LEPROTL1: variants seen among roughly 807,000 people sequenced by gnomAD.
LEPROTL1 encodes the protein leptin receptor overlapping transcript-like 1.
A neutral mutation model predicts 15.4 loss-of-function variants in LEPROTL1; 6 were observed. The ratio of observed to expected loss-of-function variants is 0.39; its 90% CI spans 0.21 to 0.77. The LOEUF (loss-of-function observed/expected upper bound fraction) is 0.77, where lower values mean the gene tolerates loss of function less well. Ranked by LOEUF, LEPROTL1 falls within the 30% of genes least tolerant of loss-of-function variation. The pLI, the probability that LEPROTL1 is intolerant of heterozygous loss-of-function variation, is 0.41. For missense variants in LEPROTL1, 128 were observed against 158.1 expected (o/e 0.81, Z 1.02); for synonymous variants, 56 against 52.6 (o/e 1.06, Z -0.28).
chr8:30,110,384 C>T (rs918613208), downstream of LEPROTL1, among the ~76,000 whole-genome samples: 1 of 151,858 alleles, frequency 6.6e-6, no homozygotes, highest in Admixed American at 6.6e-5. Context: ...TGTGTGCGTG[C>T]GCGCGTGTGT....
chr8:30,119,888 G>A (rs1849045), intron 3 of LEPROTL1, among the ~76,000 whole-genome samples: 4,187 of 152,160 alleles, frequency 0.028, 211 homozygotes, highest in African/African-American at 0.096. Flanking sequence ...GGCCAACATG[G>A]CAAAATGCCG....
At chr8:30,123,441 A>G (rs888032722) in intron 3 of LEPROTL1, among the ~76,000 whole-genome samples, 6 of 152,230 alleles carry the variant, frequency 3.9e-5, no homozygotes, top group Admixed American at 3.3e-4. Context: ...TATTTCAATC[A>G]ATGAACATGA....
At chr8:30,103,002 A>G (rs1269529016) in intron 2 of LEPROTL1, among the ~76,000 whole-genome samples, 1 of 152,150 alleles carries the variant, frequency 6.6e-6, no homozygotes, top group Non-Finnish European at 1.5e-5. Flanking sequence ...CCACTTGCAG[A>G]TGTTTACAAA....
intron 3 of LEPROTL1, among the ~76,000 whole-genome samples, chr8:30,118,979 G>C (rs552157609): frequency 1.3e-5 from 2 of 152,194 alleles, no homozygotes; most frequent in Admixed American, 1.3e-4. Flanking sequence ...CATGGGTGTC[G>C]GGCTGGGGGA....
intron 3 of LEPROTL1, chr8:30,117,457 G>A (rs1330312163): frequency 6.5e-6 from 10 of 1,531,650 alleles, no homozygotes; most frequent in Non-Finnish European, 8.9e-6. Context: ...GATGCCAGCT[G>A]AGGTTGTCAG....
intron 3 of LEPROTL1, chr8:30,132,160 A>G: frequency 6.4e-7 from 1 of 1,551,824 alleles, no homozygotes; most frequent in South Asian, 1.2e-5. Context: ...CTCATTGGCA[A>G]AGGAGTGAAT....
intron 3 of LEPROTL1, among the ~76,000 whole-genome samples, chr8:30,131,306 G>GTGTGTGTA (rs71206233): frequency 4.2e-4 from 59 of 141,414 alleles, no homozygotes; most frequent in South Asian, 8.9e-4. Context: ...ATGTGTGTGT[G>GTGTGTGTA]TATATATATA....
At chr8:30,120,688 G>C (rs1024857799) in intron 3 of LEPROTL1, among the ~76,000 whole-genome samples, 6 of 152,136 alleles carry the variant, frequency 3.9e-5, no homozygotes, top group African/African-American at 1.4e-4. Flanking sequence ...GAGCCACCAT[G>C]CCTGGCTAAT....
At chr8:30,096,048 G>A (rs1042142303) in intron 1 of LEPROTL1, among the ~76,000 whole-genome samples, 7 of 152,154 alleles carry the variant, frequency 4.6e-5, no homozygotes, top group Non-Finnish European at 8.8e-5. Flanking sequence ...CGCGCCCGAG[G>A]CTTTACAGGC....
chr8:30,132,513 G>T (rs140690092), intron 4 of LEPROTL1: 12 of 1,551,702 alleles, frequency 7.7e-6, no homozygotes, highest in Non-Finnish European at 9.6e-6. Context: ...GCCCAGCTGT[G>T]GTCCACACGA....
At position 30,106,767 on chromosome 8, in the gene LEPROTL1, A is replaced by G; in HGVS notation, c.*905A>G. On this transcript the variant is annotated 3_prime_UTR_variant, in exon 4 of 4. Transcript: ENST00000321250. ...TAAAATGGACATACATGGAACCACTACTGATGAGGGACAGTTGTATGTTTG... is the reference window on the plus strand; with the variant it reads ...TAAAATGGACATACATGGAACCACTGCTGATGAGGGACAGTTGTATGTTTG... The G allele has an allele frequency of 1.0e-6, 1 of 984,650 alleles. No individual in the cohort carries two copies. The allele number at this position is 984,650 out of a possible 1,614,324, so 61.0% of individuals were successfully genotyped here. A position where few individuals can be genotyped will look rare whatever the true frequency, so the allele number is the denominator to read the frequency against.
chr8:30,104,432 G>A lies in LEPROTL1; in HGVS notation c.225G>A (p.Thr75=), dbSNP rs769573246. 9.3e-6 allele frequency: 15 copies of A among 1,612,092 alleles called. No homozygotes were observed. In the South Asian group the frequency reaches 1.1e-4, roughly 12 times the overall value. ...AGGAACTTGCCATCTTTCTTACAAC[G>A]GGCATTGTCGTGTCAGCTTTTGGAC... ...ACKELAIFLT[T]GIVVSAFGLP... Residue 75 remains threonine (T), a synonymous_variant, in exon 3 of 4, where the codon ACG becomes ACA. Coordinates refer to ENST00000321250, the MANE Select transcript of LEPROTL1 (RefSeq NM_015344.3).
chr8:30,121,835 C>T (rs1377801202), intron 3 of LEPROTL1, among the ~76,000 whole-genome samples: 1 of 149,336 alleles, frequency 6.7e-6, no homozygotes, highest in African/African-American at 2.5e-5. Flanking sequence ...CTCCCCTAAG[C>T]ATTCCAGTGA....
At chr8:30,130,783 T>TA (rs1563219857) in intron 3 of LEPROTL1, among the ~76,000 whole-genome samples, 1 of 148,742 alleles carries the variant, frequency 6.7e-6, no homozygotes, top group East Asian at 2.0e-4. Context: ...AAAAAAAAAT[T>TA]TTTTTTTTTT....
chr8:30,110,132 G>A (rs1329883373), downstream of LEPROTL1, among the ~76,000 whole-genome samples: 1 of 152,142 alleles, frequency 6.6e-6, no homozygotes, highest in Non-Finnish European at 1.5e-5. Flanking sequence ...ACTTTATACT[G>A]TATGCTTTGC....
chr8:30,129,963 C>A (rs928860283), intron 3 of LEPROTL1, among the ~76,000 whole-genome samples: 6 of 152,022 alleles, frequency 3.9e-5, no homozygotes, highest in African/African-American at 1.4e-4. Context: ...TATAAACAAC[C>A]AGATCATGTG....
intron 3 of LEPROTL1, among the ~76,000 whole-genome samples, chr8:30,121,973 C>T (rs1802835215): frequency 6.6e-6 from 1 of 151,998 alleles, no homozygotes; most frequent in African/African-American, 2.4e-5. Context: ...CGAGACCAGC[C>T]TGGCCAACAT....
chr8:30,111,327 A>G (rs555665039), downstream of LEPROTL1, among the ~76,000 whole-genome samples: 67 of 152,310 alleles, frequency 4.4e-4, 2 homozygotes, highest in South Asian at 0.014. Flanking sequence ...ACTAATTTAA[A>G]TGGCCTAGTA....
At chr8:30,125,388 G>C (rs1164201104) in intron 3 of LEPROTL1, among the ~76,000 whole-genome samples, 1 of 152,154 alleles carries the variant, frequency 6.6e-6, no homozygotes, top group South Asian at 2.1e-4. Context: ...TCAGTTTTTT[G>C]ATGAGCCACA....
Sources: gnomAD v4.1 joint callset for allele counts (sites outside exome capture counted in the v4.1 genomes callset) on GRCh38, gnomAD v4.1.1 for gene constraint, MANE v1.5 for transcripts, NCBI Gene and HGNC (gene_info 2026-07-23, HGNC 2026-07-21) for gene names.